ATP6V1C2: variants seen among roughly 807,000 people sequenced by gnomAD.
ATP6V1C2 encodes the protein V-type proton ATPase subunit C 2.
A neutral mutation model predicts 56.8 loss-of-function variants in ATP6V1C2; 45 were observed. The observed-to-expected ratio is 0.79, with a 90% CI of 0.62 to 1.02. The LOEUF (loss-of-function observed/expected upper bound fraction) is 1.02. ATP6V1C2 is among the 50% of genes least tolerant of loss of function. The pLI is 0.00. For synonymous variants in ATP6V1C2, 220 were observed against 201.3 expected (o/e 1.09, Z -0.79); for missense variants, 463 against 519.7 (o/e 0.89, Z 1.06).
At chr2:10,738,195 C>A (rs927290116) in intron 3 of ATP6V1C2, among the ~76,000 whole-genome samples, 1 of 152,174 alleles carries the variant, frequency 6.6e-6, no homozygotes, top group Non-Finnish European at 1.5e-5. Context: ...TAGTGTCAGG[C>A]CTTCACCTGG....
chr2:10,752,310 T>A (rs1249623872), intron 3 of ATP6V1C2, among the ~76,000 whole-genome samples: 1 of 152,210 alleles, frequency 6.6e-6, no homozygotes, highest in Non-Finnish European at 1.5e-5. Context: ...GTGTCCCGTG[T>A]CCCTGCCTCT....
chr2:10,753,875 A>C (rs550868871), intron 3 of ATP6V1C2, 106 bp from the exon 4 acceptor site: 1 of 1,024,398 alleles, frequency 9.8e-7, no homozygotes, highest in Non-Finnish European at 1.5e-6. Flanking sequence ...TTGCCAAATT[A>C]TTCCCCCAAA....
Position 10,752,529 on chromosome 2 carries a change from T to C in ATP6V1C2, c.198-1452T>C, listed in dbSNP as rs13422548. ...TTGGATCATCATAACTTTCAGACTT[T>C]GATCCTAGTTTGACTTGTTTTCCAA... On this transcript the variant is annotated intron_variant, in intron 3 of 13. Transcript: ENST00000272238. 9.4e-3 allele frequency among the ~76,000 whole-genome samples: 1,433 copies of C among 152,360 alleles called. 24 individuals carry two copies. Among genetic ancestry groups the C allele is most frequent in the African/African-American group, 0.033 (1,391 of 41,578 alleles).
intron 6 of ATP6V1C2, among the ~76,000 whole-genome samples, chr2:10,771,231 T>G (rs1423619218): frequency 6.6e-6 from 1 of 152,232 alleles, no homozygotes; most frequent in African/African-American, 2.4e-5. Flanking sequence ...ACGGCCCCTG[T>G]GCTGATGCCA....
At chr2:10,732,249 C>T (rs1661993560) in intron 3 of ATP6V1C2, among the ~76,000 whole-genome samples, 1 of 151,826 alleles carries the variant, frequency 6.6e-6, no homozygotes, top group Non-Finnish European at 1.5e-5. Flanking sequence ...CTCTCTCTTT[C>T]TCTCACTCTT....
intron 7 of ATP6V1C2, among the ~76,000 whole-genome samples, chr2:10,772,256 C>T (rs551340135): frequency 6.0e-4 from 91 of 152,260 alleles, no homozygotes; most frequent in African/African-American, 2.1e-3. Context: ...CTGGAGAGGT[C>T]GGTTAGCTTG....
rs746386925 is a variant in ATP6V1C2 at position 10,777,591 on chromosome 2, T to A, written c.832T>A (p.Ser278Thr). 1.2e-6 allele frequency: 2 copies of A among 1,611,272 alleles called. No individual in the cohort carries two copies. ...LSDKKQQYQT[S>T]CVALKKGSST... ...ATCATTTCTGTGCCTTTAGCAAACT[T>A]CCTGTGTTGCTCTTAAAAAGGGATC... The change falls in exon 11 of 14, where the codon TCC (serine) becomes ACC (threonine). Residue 278 changes from serine (S) to threonine (T), a missense_variant. Physicochemically the swap from Ser to Thr is moderately conservative, Grantham distance 58 (BLOSUM62 1). Coordinates refer to ENST00000272238, the MANE Select transcript of ATP6V1C2 (RefSeq NM_001039362.2).
intron 3 of ATP6V1C2, among the ~76,000 whole-genome samples, chr2:10,733,193 C>T (rs1225641092): frequency 2.6e-5 from 4 of 152,100 alleles, no homozygotes; most frequent in African/African-American, 7.2e-5. Flanking sequence ...CTGAGCACGT[C>T]AAAATTCTAA....
intron 3 of ATP6V1C2, among the ~76,000 whole-genome samples, chr2:10,736,235 T>G (rs887403411): frequency 6.6e-6 from 1 of 152,170 alleles, no homozygotes; most frequent in Non-Finnish European, 1.5e-5. Context: ...TGAATGGTAA[T>G]GAGGTGATCT....
chr2:10,732,136 C>A (rs910776641), intron 3 of ATP6V1C2, among the ~76,000 whole-genome samples: 10 of 152,154 alleles, frequency 6.6e-5, no homozygotes, highest in Admixed American at 5.2e-4. Context: ...ATTCTGTGAT[C>A]CTGGATTGTT....
rs1451974657 is a variant in ATP6V1C2, at chr2:10,727,716, C to T, written c.197+1147C>T. Among the ~76,000 whole-genome samples the T allele has an allele frequency of 3.9e-5, 6 of 151,964 alleles. No homozygotes were observed. The South Asian group carries it at 8.3e-4, about 21-fold the overall frequency. ...GAGTTTGAGACCAGCCTGGCCAAGA[C>T]GGTGAAACTTCGTCTCTACTAAAAA... On this transcript the variant is annotated intron_variant, in intron 3 of 13. Coordinates refer to ENST00000272238, the MANE Select transcript of ATP6V1C2 (RefSeq NM_001039362.2).
In ATP6V1C2 at chr2:10,784,912, A is replaced by G. The variant is rs1341730018; in HGVS notation, c.*1649A>G. 4.6e-6 allele frequency: 7 copies of G among 1,507,404 alleles called. No homozygotes were observed. The Admixed American group carries it at 1.1e-4, about 24-fold the overall frequency. The allele number at this position is 1,507,404 out of a possible 1,614,324, so 93.4% of individuals were successfully genotyped here. On this transcript the variant is annotated 3_prime_UTR_variant, in exon 14 of 14. Transcript: ENST00000272238. ...AGTAAACCAGGACTGCTGCCCGCAC[A>G]GCTTCCCTCCCGGGCACTCACCTCG...
intron 6 of ATP6V1C2, among the ~76,000 whole-genome samples, chr2:10,769,728 A>G (rs866051922): frequency 6.6e-6 from 1 of 151,702 alleles, no homozygotes; most frequent in Non-Finnish European, 1.5e-5. Context: ...CAAAAAAAAC[A>G]GGGAGAGAGA....
In ATP6V1C2 at chr2:10,772,526, T is replaced by C. The variant is rs1664687588; in HGVS notation, c.570-16T>C. 1 of 1,610,776 alleles carries C rather than the reference T, an allele frequency of 6.2e-7. No individual in the cohort carries two copies. The highest frequency in any genetic ancestry group is 1.1e-5 in the South Asian group (1 of 90,996). ...TTTTCTGCAAAAAATCACGTAACGA[T>C]TCTATGTTCTTGCAGACCAAACTAC... On this transcript the variant is annotated splice_polypyrimidine_tract_variant and intron_variant, in intron 7 of 13. Transcript: ENST00000272238.
intron 4 of ATP6V1C2, among the ~76,000 whole-genome samples, chr2:10,760,381 TAGA>T (rs1321652461): frequency 6.6e-6 from 1 of 150,758 alleles, no homozygotes; most frequent in African/African-American, 2.4e-5. Context: ...AAAAAAAAAA[TAGA>T]AGGCCAGAGG....
rs572310630 is a variant in ATP6V1C2 at position 10,727,728 on chromosome 2, G to A, written c.197+1159G>A. On this transcript the variant is annotated intron_variant, in intron 3 of 13. Coordinates refer to ENST00000272238, the MANE Select transcript of ATP6V1C2 (RefSeq NM_001039362.2). Reference sequence around the variant, plus strand: ...AGCCTGGCCAAGACGGTGAAACTTCGTCTCTACTAAAAATACAAAAATTAG... The same window carrying A: ...AGCCTGGCCAAGACGGTGAAACTTCATCTCTACTAAAAATACAAAAATTAG... Among the ~76,000 whole-genome samples the A allele has an allele frequency of 2.9e-3, 435 of 151,900 alleles. 1 individual carries two copies. The highest frequency in any genetic ancestry group is 5.2e-3 in the Non-Finnish European group (355 of 67,968).
At chr2:10,752,988 T>A (rs1299275750) in intron 3 of ATP6V1C2, among the ~76,000 whole-genome samples, 4 of 151,980 alleles carry the variant, frequency 2.6e-5, no homozygotes, top group Admixed American at 6.6e-5. Context: ...AGAGCAAGAC[T>A]CTGTCTCCAA....
intron 4 of ATP6V1C2, among the ~76,000 whole-genome samples, chr2:10,759,439 C>A (rs1209137795): frequency 6.6e-6 from 1 of 152,150 alleles, no homozygotes. Flanking sequence ...CATGCTGCTG[C>A]CTGCCGGGCA....
At position 10,726,482 on chromosome 2, in the gene ATP6V1C2, C is replaced by T. The variant is rs771666410; in HGVS notation, c.130-20C>T. The stretch of plus-strand genomic sequence containing the variant: ...TGGCCAGAAACCTGTGAGCCTCTGA[C>T]GTTTTTATGATCTGTCTAGGTGGGG... On this transcript the variant is annotated intron_variant, in intron 2 of 13. Coordinates refer to ENST00000272238, the MANE Select transcript of ATP6V1C2 (RefSeq NM_001039362.2). 22 of 1,609,064 alleles carry T rather than the reference C, an allele frequency of 1.4e-5. No individual in the cohort carries two copies. The highest frequency in any genetic ancestry group is 1.3e-4 in the Admixed American group (8 of 59,962).
Sources: allele counts gnomAD v4.1 joint callset (sites outside exome capture counted in the v4.1 genomes callset), GRCh38; gene constraint gnomAD v4.1.1; transcripts MANE v1.5; gene names NCBI Gene and HGNC (gene_info 2026-07-23, HGNC 2026-07-21).